The following SCAPER variants were observed in gnomAD, a reference collection of about 807,000 sequenced individuals.
SCAPER encodes the protein S phase cyclin A-associated protein in the endoplasmic reticulum.
In SCAPER, 98 loss-of-function variants were observed where a neutral mutation model predicts 182.2. The observed-to-expected ratio is 0.54, with a 90% confidence interval of 0.46 to 0.64. The LOEUF is 0.64. SCAPER is among the 30% of genes least tolerant of loss of function. SCAPER has a pLI of 0.00. For missense variants in SCAPER, 1,432 were observed against 1,690.0 expected (o/e 0.85, Z 2.68); for synonymous variants, 605 against 564.6 (o/e 1.07, Z -1.01).
intron 4 of SCAPER, among the ~76,000 whole-genome samples, chr15:76,850,859 CAAAAAAAAA>C (rs59202490): frequency 1.2e-4 from 11 of 90,052 alleles, no homozygotes; most frequent in African/African-American, 4.4e-4. Context: ...GACTCTGTCT[CAAAAAAAAA>C]AAAAAAAAAG....
intron 6 of SCAPER, among the ~76,000 whole-genome samples, chr15:76,800,708 G>A (rs1598805462): frequency 6.6e-6 from 1 of 152,190 alleles, no homozygotes; most frequent in South Asian, 2.1e-4. Context: ...ATGTTTAAAA[G>A]GCAATGATAC....
At chr15:76,755,395 T>C (rs4641709) in intron 14 of SCAPER, among the ~76,000 whole-genome samples, 58,194 of 152,060 alleles carry the variant, frequency 0.38, 13,141 homozygotes, top group Middle Eastern at 0.53. Flanking sequence ...TTTATGAACA[T>C]TCAGATTATG....
At chr15:76,812,898 A>AG (rs1355708123) in intron 5 of SCAPER, among the ~76,000 whole-genome samples, 5 of 114,304 alleles carry the variant, frequency 4.4e-5, no homozygotes, top group Admixed American at 1.0e-4. Flanking sequence ...AAATACTTCC[A>AG]GAAAAAAAAA....
At chr15:76,431,443 A>G (rs2046849200) in intron 26 of SCAPER, among the ~76,000 whole-genome samples, 1 of 152,160 alleles carries the variant, frequency 6.6e-6, no homozygotes, top group Admixed American at 6.5e-5. Context: ...TGTCTCTTAG[A>G]TATCTTCCTA....
chr15:76,760,425 G>C (rs1262193032), intron 14 of SCAPER, among the ~76,000 whole-genome samples: 1 of 152,206 alleles, frequency 6.6e-6, no homozygotes, highest in Non-Finnish European at 1.5e-5. Context: ...GTGTGAAGAA[G>C]GGACACGAAA....
At chr15:76,718,287 G>A (rs1176336281) in intron 17 of SCAPER, among the ~76,000 whole-genome samples, 2 of 152,104 alleles carry the variant, frequency 1.3e-5, no homozygotes, top group Non-Finnish European at 2.9e-5. Flanking sequence ...TTGTAAGAGG[G>A]AAGTTTATAG....
intron 5 of SCAPER, among the ~76,000 whole-genome samples, chr15:76,831,608 T>G (rs1411102917): frequency 1.4e-5 from 2 of 146,232 alleles, no homozygotes; most frequent in African/African-American, 5.1e-5. Flanking sequence ...TGGTGCGCAA[T>G]CACCTGTGGT....
intron 24 of SCAPER, among the ~76,000 whole-genome samples, chr15:76,488,915 G>GT (rs760685245): frequency 6.6e-6 from 1 of 150,418 alleles, no homozygotes; most frequent in Non-Finnish European, 1.5e-5. Flanking sequence ...TAGAGATAGG[G>GT]TTTTGCCATA....
chr15:76,452,443 G>A (rs778460460), intron 25 of SCAPER, among the ~76,000 whole-genome samples: 11 of 152,222 alleles, frequency 7.2e-5, no homozygotes, highest in Non-Finnish European at 1.0e-4. Context: ...TTGGCACAAA[G>A]TATACACTGA....
intron 23 of SCAPER, among the ~76,000 whole-genome samples, chr15:76,511,810 G>A (rs904455752): frequency 1.3e-5 from 2 of 148,522 alleles, no homozygotes; most frequent in Non-Finnish European, 3.0e-5. Context: ...GAGAAGGAAG[G>A]CTGACAAAGA....
Position 76,378,216 on chromosome 15 carries a change from A to C in SCAPER, c.3706-1905T>G, listed in dbSNP as rs565546636. Among the ~76,000 whole-genome samples the C allele has an allele frequency of 1.1e-4, 16 of 152,272 alleles. No homozygotes were observed. In the East Asian group the frequency reaches 3.1e-3, roughly 29 times the overall value. On this transcript the variant is annotated intron_variant, in intron 28 of 31. Transcript: ENST00000563290. The stretch of plus-strand genomic sequence containing the variant: ...CGAACCCAAATCATCAACATGTCTT[A>C]TATCATCTTGTCTAACTCTGCAGCA...
intron 26 of SCAPER, among the ~76,000 whole-genome samples, chr15:76,408,771 C>T (rs1411609990): frequency 1.3e-5 from 2 of 151,772 alleles, no homozygotes; most frequent in African/African-American, 4.8e-5. Flanking sequence ...GGGTCCTTTG[C>T]ACTGAATTCA....
chr15:76,620,558 C>A (rs2051937257), intron 22 of SCAPER, among the ~76,000 whole-genome samples: 1 of 152,088 alleles, frequency 6.6e-6, no homozygotes. Context: ...AAGTAGTAAG[C>A]TGACTGGTAT....
intron 22 of SCAPER, among the ~76,000 whole-genome samples, chr15:76,609,855 C>T (rs914108221): frequency 2.0e-5 from 3 of 152,148 alleles, no homozygotes; most frequent in African/African-American, 4.8e-5. Flanking sequence ...TGCAGCTGGA[C>T]TGTGACTTTA....
intron 29 of SCAPER, among the ~76,000 whole-genome samples, chr15:76,369,654 C>T (rs1414753877): frequency 2.6e-5 from 4 of 152,170 alleles, no homozygotes; most frequent in Non-Finnish European, 2.9e-5. Flanking sequence ...AGCAAATGCT[C>T]GCTTAGCAAA....
At chr15:76,684,396 A>G (rs2057910028) in intron 20 of SCAPER, among the ~76,000 whole-genome samples, 1 of 152,192 alleles carries the variant, frequency 6.6e-6, no homozygotes, top group Non-Finnish European at 1.5e-5. Context: ...GGATACCCCA[A>G]TTACTCTGAT....
At chr15:76,554,507 T>C (rs1011447012) in intron 23 of SCAPER, among the ~76,000 whole-genome samples, 8 of 152,216 alleles carry the variant, frequency 5.3e-5, no homozygotes, top group Admixed American at 5.2e-4. Flanking sequence ...GTATACAAGA[T>C]GACCATCCCT....
At position 76,538,764 on chromosome 15, in the gene SCAPER, T is replaced by C. The variant is rs183661196; in HGVS notation, c.2839-33790A>G. On this transcript the variant is annotated intron_variant, in intron 23 of 31. Coordinates refer to ENST00000563290, the MANE Select transcript of SCAPER (RefSeq NM_020843.4). ...AAATAGTAAAATGCTTTATCGATCA[T>C]GCCTAGTTTTAGCAAGGATATGTAG... 9.6e-4 allele frequency among the ~76,000 whole-genome samples: 146 copies of C among 152,226 alleles called. 2 individuals carry two copies. The highest frequency in any genetic ancestry group is 3.4e-3 in the African/African-American group (143 of 41,520).
At chr15:76,654,332 C>CGG (rs1348131043) in intron 21 of SCAPER, among the ~76,000 whole-genome samples, 2 of 151,784 alleles carry the variant, frequency 1.3e-5, no homozygotes. Flanking sequence ...GGCGTGAACC[C>CGG]GGGAGGCGGA....
Sources: gnomAD v4.1 joint callset for allele counts (sites outside exome capture counted in the v4.1 genomes callset) on GRCh38, gnomAD v4.1.1 for gene constraint, MANE v1.5 for transcripts, NCBI Gene and HGNC (gene_info 2026-07-23, HGNC 2026-07-21) for gene names.